The following PLXND1 variants were observed in gnomAD, a reference collection of about 807,000 sequenced individuals.
PLXND1 encodes the protein plexin-D1.
A neutral mutation model predicts 197.7 loss-of-function variants in PLXND1; 54 were observed. The observed-to-expected ratio is 0.27, with a 90% CI of 0.22 to 0.34. The LOEUF (loss-of-function observed/expected upper bound fraction) is 0.34. Among genes scored for constraint, PLXND1 ranks in the 10% least tolerant of loss-of-function variants. PLXND1 has a pLI of 1.00. For missense variants in PLXND1, 2,127 were observed against 2,699.2 expected (o/e 0.79, Z 4.70); for synonymous variants, 1,180 against 1,161.2 (o/e 1.02, Z -0.33).
At chr3:129,591,524 G>T in intron 1 of PLXND1, 1 of 152,456 alleles carries the variant, frequency 6.6e-6, no homozygotes. Flanking sequence ...GTTGCCTAAG[G>T]AGGGGTGAAC....
rs906249435 is a variant in PLXND1 at position 129,573,614 on chromosome 3, G to A, written c.2817C>T (p.Asp939=). The change falls in exon 13 of 36, where the codon GAC becomes GAT. Residue 939 remains aspartate, a synonymous_variant. Transcript: ENST00000324093. Reference sequence around the variant, plus strand: ...CTCACTCCTCCGACACCGTGTATCTGTCAGGCAGTGGCTCACAGGCCACAC... The same window carrying A: ...CTCACTCCTCCGACACCGTGTATCTATCAGGCAGTGGCTCACAGGCCACAC... The part of the protein sequence containing the change: ...IGGVACEPLP[D]RYTVSEEIVC... 4 of 1,613,342 alleles carry A rather than the reference G, an allele frequency of 2.5e-6. No individual in the cohort carries two copies. The highest frequency in any genetic ancestry group is 2.7e-5 in the African/African-American group (2 of 74,916).
intron 31 of PLXND1, 123 bp downstream of exon 31, chr3:129,560,207 C>G: frequency 4.6e-6 from 3 of 651,472 alleles, no homozygotes; most frequent in Non-Finnish European, 8.3e-6. Context: ...ACAGGGGAAA[C>G]AGGAAGAACT....
At position 129,605,594 on chromosome 3, in the gene PLXND1, G is replaced by A; in HGVS notation, c.1046C>T (p.Ala349Val). Reference sequence around the variant, plus strand: ...GCGGCTGTAGAGGTCGCCGCGGCCCGCGCCGCCCGCGCACTGCAAGCCCAA... The same window carrying A: ...GCGGCTGTAGAGGTCGCCGCGGCCCACGCCGCCCGCGCACTGCAAGCCCAA... ...IQLGLQCAGG[A>V]GRGDLYSRLV... is the part of the protein sequence containing the mutation. The change falls in exon 1 of 36, where the codon GCG becomes GTG. Residue 349 changes from alanine (A) to valine (V), a missense_variant. By Grantham distance (64) the Ala-to-Val change is moderately conservative. This residue lies in a region of PLXND1 where 1,095 missense variants were observed against 1,259.8 expected (regional missense o/e 0.87). Transcript: ENST00000324093. 3 of 1,530,110 alleles carry A rather than the reference G, an allele frequency of 2.0e-6. No individual in the cohort carries two copies. The allele number at this position is 1,530,110 out of a possible 1,614,324, so 94.8% of individuals were successfully genotyped here.
chr3:129,562,140 C>T (rs2085071121), intron 27 of PLXND1, among the ~76,000 whole-genome samples: 1 of 152,116 alleles, frequency 6.6e-6, no homozygotes, highest in Non-Finnish European at 1.5e-5. Context: ...AGAGGAGGAG[C>T]TCTGGAAATG....
chr3:129,588,005 C>T (rs2085485102), intron 2 of PLXND1, among the ~76,000 whole-genome samples: 1 of 152,202 alleles, frequency 6.6e-6, no homozygotes, highest in African/African-American at 2.4e-5. Flanking sequence ...AGTGGACACT[C>T]AAGTCATTTC....
rs1416904550 is a variant in PLXND1, at chr3:129,559,803, C to T, written c.5134-20G>A. 1 of 1,570,018 alleles carries T rather than the reference C, an allele frequency of 6.4e-7. No homozygotes were observed. Among genetic ancestry groups the T allele is most frequent in the South Asian group, 1.2e-5 (1 of 84,428 alleles). On this transcript the variant is annotated intron_variant, in intron 31 of 35. Transcript: ENST00000324093. The stretch of plus-strand genomic sequence containing the variant: ...CGTGCCCTGCGGGGGAGTGGGGTGG[C>T]CGCCGTCAGCCCCGGGCCACGTGCA...
intron 8 of PLXND1, chr3:129,578,690 G>A: frequency 4.1e-6 from 2 of 492,776 alleles, no homozygotes; most frequent in African/African-American, 2.0e-5. Context: ...GCCCAGTGGT[G>A]GGGCCAATTT....
In PLXND1 at chr3:129,599,123, C is replaced by T. The variant is rs558383860; in HGVS notation, c.1311+6206G>A. Among the ~76,000 whole-genome samples, 8 of 152,330 alleles carry T rather than the reference C, an allele frequency of 5.3e-5. No homozygotes were observed. In the South Asian group the frequency reaches 1.0e-3, roughly 20 times the overall value. ...CTCTCTCCCGGGGCTCCTGCCCTCC[C>T]GCTCCTGTCCCAGTACACGCCACGC... On this transcript the variant is annotated intron_variant, in intron 1 of 35. Transcript: ENST00000324093.
chr3:129,599,235 C>T (rs978417155), intron 1 of PLXND1, among the ~76,000 whole-genome samples: 15 of 152,232 alleles, frequency 9.9e-5, no homozygotes, highest in African/African-American at 2.7e-4. Flanking sequence ...GCGGGTGAAT[C>T]GGACTTTGCA....
chr3:129,585,896 G>C, intron 5 of PLXND1, 56 bp downstream of exon 5: 1 of 1,608,452 alleles, frequency 6.2e-7, no homozygotes, highest in Non-Finnish European at 8.5e-7. Flanking sequence ...CTGGGTGCTG[G>C]GTGAAGGGAG....
rs769327217 is a variant in PLXND1, at chr3:129,571,575, A to G, written c.3270T>C (p.Ala1090=). ...PVSGGRTITV[A]GERFHMVQNV... is the part of the protein sequence containing the mutation. ...TCTGCACCATGTGGAAACGCTCACC[A>G]GCCACTGTGATGGTCCTGCCGCCAC... is the stretch of plus-strand genomic sequence containing the variant. Residue 1090 remains alanine (A), a synonymous_variant, in exon 17 of 36, where the codon GCT becomes GCC. Coordinates refer to ENST00000324093, the MANE Select transcript of PLXND1 (RefSeq NM_015103.3). The G allele has an allele frequency of 7.4e-6, 12 of 1,613,758 alleles. No individual in the cohort carries two copies. The Admixed American group carries it at 2.0e-4, about 27-fold the overall frequency.
intron 29 of PLXND1, 164 bp from the exon 30 acceptor site, chr3:129,560,887 A>T: frequency 1.4e-6 from 1 of 691,154 alleles, no homozygotes; most frequent in Non-Finnish European, 2.7e-6. Context: ...GGAGACAGAG[A>T]TCCAAAGAGA....
At position 129,580,670 on chromosome 3, in the gene PLXND1, G is replaced by A. The variant is rs979845526; in HGVS notation, c.2242-2237C>T. ...GCCACTTGTAACCTGTGGCCAGGTGGATGCTCACCCCCATTCTAGAGAACC... is the reference window on the plus strand; with the variant it reads ...GCCACTTGTAACCTGTGGCCAGGTGAATGCTCACCCCCATTCTAGAGAACC... On this transcript the variant is annotated intron_variant, in intron 8 of 35. Coordinates refer to ENST00000324093, the MANE Select transcript of PLXND1 (RefSeq NM_015103.3). 2.6e-5 allele frequency among the ~76,000 whole-genome samples: 4 copies of A among 152,028 alleles called. No homozygotes were observed. In the East Asian group the frequency reaches 7.7e-4, roughly 29 times the overall value.
rs1187161795 is a variant in PLXND1 at position 129,575,429 on chromosome 3, T to A, written c.2530+40A>T. ...CAAGGCTGAGCCCCACCCACTGCACTGAGGCCCCGAGGCCATGTGGGGCGG... is the reference window on the plus strand; with the variant it reads ...CAAGGCTGAGCCCCACCCACTGCACAGAGGCCCCGAGGCCATGTGGGGCGG... On this transcript the variant is annotated intron_variant, in intron 11 of 35. Coordinates refer to ENST00000324093, the MANE Select transcript of PLXND1 (RefSeq NM_015103.3). The A allele has an allele frequency of 3.1e-6, 4 of 1,281,276 alleles. No individual in the cohort carries two copies. In the Admixed American group the frequency reaches 7.9e-5, roughly 25 times the overall value. The allele number at this position is 1,281,276 out of a possible 1,614,324, so 79.4% of individuals were successfully genotyped here.
chr3:129,571,873 G>A (rs769034779), intron 15 of PLXND1, 29 bp from the exon 16 acceptor site: 2 of 1,566,402 alleles, frequency 1.3e-6, no homozygotes, highest in East Asian at 2.4e-5. Context: ...TATCAGCAGG[G>A]CCTGCCTTCT....
rs1161341385 is a variant in PLXND1 at position 129,557,522 on chromosome 3, G to A, written c.5446-299C>T. On this transcript the variant is annotated intron_variant, in intron 33 of 35. Coordinates refer to ENST00000324093, the MANE Select transcript of PLXND1 (RefSeq NM_015103.3). This position sits in a 1 kb window ranked among gnomAD's most constrained non-coding sequence, Gnocchi z 4.8. Reference sequence around the variant, plus strand: ...TGCACGGGCATGCCAGCTCTTCACTGCACGCAGCCCATTCCACGTAACAAG... The same window carrying A: ...TGCACGGGCATGCCAGCTCTTCACTACACGCAGCCCATTCCACGTAACAAG... Among the ~76,000 whole-genome samples the A allele has an allele frequency of 6.6e-6, 1 of 152,148 alleles. No homozygotes were observed. Among genetic ancestry groups the A allele is most frequent in the Non-Finnish European group, 1.5e-5 (1 of 68,032 alleles).
intron 1 of PLXND1, among the ~76,000 whole-genome samples, chr3:129,600,125 G>A (rs998917195): frequency 6.6e-6 from 1 of 152,182 alleles, no homozygotes; most frequent in African/African-American, 2.4e-5. Flanking sequence ...CCTCAGCCCG[G>A]GCACTAGAGA....
At position 129,606,544 on chromosome 3, in the gene PLXND1, C is replaced by A; in HGVS notation, c.96G>T (p.Pro32=). The change falls in exon 1 of 36, where the codon CCG becomes CCT. Residue 32 remains proline (P), a synonymous_variant. Transcript: ENST00000324093. ...PFQTPPRCPV[P]LLLLLLLGAA... ...CCCCCAGGAGCAGCAGCAACAGCAG[C>A]GGCACCGGGCACCGCGGCGGCGTCT... The A allele has an allele frequency of 7.7e-7, 1 of 1,294,776 alleles. No homozygotes were observed. The highest frequency in any genetic ancestry group is 9.8e-7 in the Non-Finnish European group (1 of 1,023,008). The allele number at this position is 1,294,776 out of a possible 1,614,324, so 80.2% of individuals were successfully genotyped here.
Position 129,574,454 on chromosome 3 carries a change from C to T in PLXND1, c.2567G>A (p.Cys856Tyr). Residue 856 changes from cysteine to tyrosine, a missense_variant, in exon 12 of 36, where the codon TGT becomes TAT. Cys to Tyr is a radical substitution (Grantham distance 194). Transcript: ENST00000324093. ...GTCTTCGCGGCCCAGGCACTGGGAA[C>T]AGTCGGGGCTGCCCATGGCACAGTT... The part of the protein sequence containing the change: ...VYNCAMGSPD[C>Y]SQCLGREDLG... 2 of 1,613,158 alleles carry T rather than the reference C, an allele frequency of 1.2e-6. No individual in the cohort carries two copies. Among genetic ancestry groups the T allele is most frequent in the Non-Finnish European group, 1.7e-6 (2 of 1,179,940 alleles).
Sources: allele counts gnomAD v4.1 joint callset (sites outside exome capture counted in the v4.1 genomes callset), GRCh38; gene constraint gnomAD v4.1.1; regional missense constraint gnomAD v4.1.1; non-coding constraint Gnocchi (gnomAD v3.1); transcripts MANE v1.5; gene names NCBI Gene and HGNC (gene_info 2026-07-23, HGNC 2026-07-21).